The following SRI variants were observed in gnomAD, a reference collection of about 807,000 sequenced individuals.
SRI encodes the protein 22 kDa protein.
SRI carries 30 observed loss-of-function variants against 33.3 expected under a neutral mutation model. That is an observed-to-expected ratio of 0.90 (90% CI 0.67 to 1.22). SRI has a LOEUF of 1.22. SRI is among the 50% of genes most tolerant of loss of function. SRI has a pLI of 0.00. For missense variants in SRI, 243 were observed against 250.8 expected, an observed-to-expected ratio of 0.97 and a Z score of 0.21; for synonymous variants, 75 against 89.9, an observed-to-expected ratio of 0.83 and a Z score of 0.94.
At chr7:88,214,981 C>A in intron 3 of SRI, 1 of 501,824 alleles carries the variant, frequency 2.0e-6, no homozygotes, top group Non-Finnish European at 3.7e-6. Context: ...ATCTTACTGA[C>A]TGGAACACAA....
At chr7:88,207,327 G>A (rs990360915) in intron 7 of SRI, among the ~76,000 whole-genome samples, 2 of 152,096 alleles carry the variant, frequency 1.3e-5, no homozygotes, top group African/African-American at 4.8e-5. Flanking sequence ...AGAAGTTAAC[G>A]CATGTTAAAG....
chr7:88,214,022 GAAA>G (rs1220215492), intron 3 of SRI, among the ~76,000 whole-genome samples: 3 of 152,148 alleles, frequency 2.0e-5, no homozygotes, highest in South Asian at 2.1e-4. Flanking sequence ...ACAGTCTAAG[GAAA>G]AGATAAGTCA....
chr7:88,216,718 T>TA, intron 3 of SRI: 1 of 194,654 alleles, frequency 5.1e-6, no homozygotes, highest in South Asian at 9.2e-5. Flanking sequence ...TGGTTCTAGG[T>TA]ACACAAAACC....
chr7:88,223,069 C>A (rs940957456), upstream of SRI, among the ~76,000 whole-genome samples: 1 of 152,118 alleles, frequency 6.6e-6, no homozygotes, highest in Middle Eastern at 3.4e-3. Context: ...AGGCAACCTA[C>A]AAAATGGGAG....
rs1466943214 is a variant in SRI at position 88,205,770 on chromosome 7, A to C, written c.*708T>G. The C allele has an allele frequency of 1.3e-5, 2 of 152,296 alleles. No homozygotes were observed. The highest frequency in any genetic ancestry group is 2.9e-5 in the Non-Finnish European group (2 of 68,034). The allele number at this position is 152,296 out of a possible 1,614,324, so 9.4% of individuals were successfully genotyped here. ...TCTGAAAAATACTGATATAAAGAAA[A>C]TTAAAGTCATCTAGAATTCCATTCA... On this transcript the variant is annotated 3_prime_UTR_variant, in exon 8 of 8. Coordinates refer to ENST00000265729, the MANE Select transcript of SRI (RefSeq NM_003130.4).
rs531699453 is a variant in SRI at position 88,209,228 on chromosome 7, C to T, written c.511+111G>A. ...CTTAATAGTAATCTGAAAAAAACTA[C>T]TAAAGCAAGAAAAAATTTGGGAAGA... On this transcript the variant is annotated intron_variant, in intron 6 of 7. Transcript: ENST00000265729. 215 of 896,732 alleles carry T rather than the reference C, an allele frequency of 2.4e-4. No individual in the cohort carries two copies. In the African/African-American group the frequency reaches 3.5e-3, roughly 14 times the overall value. 55.5% of individuals were successfully genotyped at this position (896,732 alleles called of 1,614,324 possible).
chr7:88,206,275 C>G lies in SRI; in HGVS notation c.*203G>C. ...CTCAGGAAAGTTCTAAATGGTGTAA[C>G]AGACTAGATCTTATTAAAGTTCCAA... On this transcript the variant is annotated 3_prime_UTR_variant, in exon 8 of 8. Transcript: ENST00000265729. The G allele has an allele frequency of 1.6e-6, 1 of 630,300 alleles. No homozygotes were observed. The highest frequency in any genetic ancestry group is 2.8e-6 in the Non-Finnish European group (1 of 356,440). 39.0% of individuals were successfully genotyped at this position (630,300 alleles called of 1,614,324 possible).
At position 88,218,839 on chromosome 7, in the gene SRI, T is replaced by C. The variant is rs773291344; in HGVS notation, c.135+20A>G. ...AATGCAGACAATAACGGCTCTTTAA[T>C]ATTAAAGGGAAAAGCTAACCTGTCC... On this transcript the variant is annotated intron_variant, in intron 2 of 7. Coordinates refer to ENST00000265729, the MANE Select transcript of SRI (RefSeq NM_003130.4). 6.2e-7 allele frequency: 1 copy of C among 1,612,132 alleles called. No individual in the cohort carries two copies. The highest frequency in any genetic ancestry group is 1.7e-5 in the Admixed American group (1 of 59,988).
At chr7:88,224,252 G>A (rs765143360), upstream of SRI, among the ~76,000 whole-genome samples, 28 of 152,216 alleles carry the variant, frequency 1.8e-4, no homozygotes, top group African/African-American at 1.9e-4. Context: ...AAACGGCAGT[G>A]TGGACACTTT....
chr7:88,222,687 A>G (rs977995102), upstream of SRI, among the ~76,000 whole-genome samples: 4 of 152,208 alleles, frequency 2.6e-5, no homozygotes, highest in Non-Finnish European at 5.9e-5. Flanking sequence ...GCCCTCAGAA[A>G]TAACGCCGCA....
At chr7:88,215,802 T>C (rs1586717878) in intron 3 of SRI, among the ~76,000 whole-genome samples, 1 of 152,252 alleles carries the variant, frequency 6.6e-6, no homozygotes, top group Admixed American at 6.5e-5. Flanking sequence ...AATCCACAGC[T>C]AACCATGAAA....
intron 3 of SRI, among the ~76,000 whole-genome samples, chr7:88,214,586 A>T (rs986812028): frequency 6.6e-6 from 1 of 151,974 alleles, no homozygotes; most frequent in African/African-American, 2.4e-5. Flanking sequence ...TTTTGTTAAT[A>T]ATATAGCTTT....
chr7:88,220,051 C>G (rs973578092), upstream of SRI: 5 of 1,516,730 alleles, frequency 3.3e-6, no homozygotes, highest in African/African-American at 5.7e-5. Flanking sequence ...CGCAGCCGCC[C>G]TCGCCCTGTG....
In SRI at chr7:88,210,996, A is replaced by T. The variant is rs1385203495; in HGVS notation, c.206-71T>A. On this transcript the variant is annotated intron_variant, in intron 3 of 7. Coordinates refer to ENST00000265729, the MANE Select transcript of SRI (RefSeq NM_003130.4). ...ATTCACATTACACTGGATACATTCA[A>T]ATTAATTAGAAATATGATTATTATA... 2.3e-5 allele frequency: 26 copies of T among 1,151,746 alleles called. No homozygotes were observed. The Admixed American group carries it at 4.6e-4, about 21-fold the overall frequency. The allele number at this position is 1,151,746 out of a possible 1,614,324, so 71.3% of individuals were successfully genotyped here.
rs978206696 is a variant in SRI, at chr7:88,209,414, T to C, written c.436A>G (p.Lys146Glu). 3 of 1,614,056 alleles carry C rather than the reference T, an allele frequency of 1.9e-6. No homozygotes were observed. The highest frequency in any genetic ancestry group is 2.5e-6 in the Non-Finnish European group (3 of 1,179,948). ...LSPQAVNSIA[K>E]RYSTNGKITF... ...ATCTTTCCATTGGTGCTGTATCGTTTTGCAATTGAATTCACAGCCTGGGGA... is the reference window on the plus strand; with the variant it reads ...ATCTTTCCATTGGTGCTGTATCGTTCTGCAATTGAATTCACAGCCTGGGGA... The change falls in exon 6 of 8, where the codon AAA (lysine) becomes GAA (glutamate). Residue 146 changes from lysine (K) to glutamate (E), a missense_variant. Lys to Glu is a moderately conservative substitution (Grantham distance 56). Coordinates refer to ENST00000265729, the MANE Select transcript of SRI (RefSeq NM_003130.4).
At chr7:88,220,377 C>G (rs1359700280), upstream of SRI, among the ~76,000 whole-genome samples, 5 of 147,840 alleles carry the variant, frequency 3.4e-5, no homozygotes, top group Admixed American at 6.7e-5. Context: ...TTTTTTCCTT[C>G]GGACTTGGCT....
upstream of SRI, among the ~76,000 whole-genome samples, chr7:88,224,871 A>G (rs1400334342): frequency 6.6e-6 from 1 of 152,216 alleles, no homozygotes; most frequent in African/African-American, 2.4e-5. Flanking sequence ...TATGCCACAC[A>G]ATAACTAATC....
At chr7:88,218,247 A>G (rs1851782119) in intron 2 of SRI, among the ~76,000 whole-genome samples, 1 of 152,202 alleles carries the variant, frequency 6.6e-6, no homozygotes, top group Admixed American at 6.5e-5. Context: ...CCTGTCATAC[A>G]ACTCAGAATG....
intron 3 of SRI, among the ~76,000 whole-genome samples, chr7:88,213,054 GCCT>G (rs1336119432): frequency 2.6e-5 from 4 of 152,272 alleles, no homozygotes; most frequent in South Asian, 2.1e-4. Flanking sequence ...AAACCTGGGA[GCCT>G]CCTCAATTCC....
Sources: gnomAD v4.1 joint callset for allele counts (sites outside exome capture counted in the v4.1 genomes callset) on GRCh38, gnomAD v4.1.1 for gene constraint, MANE v1.5 for transcripts, NCBI Gene and HGNC (gene_info 2026-07-23, HGNC 2026-07-21) for gene names.